The following KCNN2 variants were observed in gnomAD, a reference collection of about 807,000 sequenced individuals.
KCNN2 encodes potassium calcium-activated channel subfamily N member 2, also known as small conductance calcium-activated potassium channel protein 2.
KCNN2 carries 24 observed loss-of-function variants against 55.5 expected under a neutral mutation model. The observed-to-expected ratio is 0.43, with a 90% CI of 0.31 to 0.61. The LOEUF (loss-of-function observed/expected upper bound fraction) is 0.61. Among genes scored for constraint, KCNN2 ranks in the 20% least tolerant of loss-of-function variants. The pLI is 0.08. For synonymous variants in KCNN2, 431 were observed against 336.1 expected, an observed-to-expected ratio of 1.28 and a Z score of -3.09; for missense variants, 754 against 853.6, an observed-to-expected ratio of 0.88 and a Z score of 1.45.
chr5:114,056,072 C>T (rs945011788), exon 1 of KCNN2: 2 of 305,506 alleles, frequency 6.5e-6, no homozygotes, highest in East Asian at 1.0e-4. Flanking sequence ...AGTCCCCAGT[C>T]CCGGCGGGGC....
intron 1 of KCNN2, among the ~76,000 whole-genome samples, chr5:114,062,019 C>G (rs1486187009): frequency 6.6e-6 from 1 of 152,000 alleles, no homozygotes; most frequent in African/African-American, 2.4e-5. Context: ...GGTCATTTAT[C>G]AAATATTTAG....
chr5:114,182,547 T>A (rs962535509), intron 1 of KCNN2, among the ~76,000 whole-genome samples: 1 of 152,128 alleles, frequency 6.6e-6, no homozygotes, highest in African/African-American at 2.4e-5. Context: ...TGAATTTCTT[T>A]CAGCCATCTT....
chr5:114,371,729 C>T (rs978644379), intron 2 of KCNN2, among the ~76,000 whole-genome samples: 1 of 152,154 alleles, frequency 6.6e-6, no homozygotes. Flanking sequence ...AGTCCAATTT[C>T]TTTGAATATT....
intron 2 of KCNN2, among the ~76,000 whole-genome samples, chr5:114,312,594 C>G (rs1161559209): frequency 6.6e-6 from 1 of 151,260 alleles, no homozygotes; most frequent in Non-Finnish European, 1.5e-5. Flanking sequence ...TGTCTAAGCC[C>G]TTCTAAGTGT....
At chr5:114,368,785 A>G (rs1218933836) in intron 2 of KCNN2, among the ~76,000 whole-genome samples, 1 of 152,082 alleles carries the variant, frequency 6.6e-6, no homozygotes, top group African/African-American at 2.4e-5. Context: ...TTCAATACGG[A>G]ATATTTAGGA....
chr5:114,418,607 A>G (rs1449899469), intron 3 of KCNN2, among the ~76,000 whole-genome samples: 1 of 152,174 alleles, frequency 6.6e-6, no homozygotes, highest in Non-Finnish European at 1.5e-5. Context: ...GTGGCAAGCA[A>G]GGGAACCCCA....
intron 2 of KCNN2, among the ~76,000 whole-genome samples, chr5:114,278,825 C>T (rs564442377): frequency 9.2e-5 from 14 of 152,162 alleles, no homozygotes; most frequent in East Asian, 1.9e-4. Flanking sequence ...TTGTGCTTCC[C>T]GGGTGAGGCA....
intron 3 of KCNN2, among the ~76,000 whole-genome samples, chr5:114,426,560 G>A (rs1759632093): frequency 6.6e-6 from 1 of 152,094 alleles, no homozygotes; most frequent in African/African-American, 2.4e-5. Flanking sequence ...TGAAGAGTGA[G>A]TATAATTCTT....
chr5:114,255,359 A>C (rs2150001908), intron 2 of KCNN2, among the ~76,000 whole-genome samples: 1 of 152,346 alleles, frequency 6.6e-6, no homozygotes, highest in East Asian at 1.9e-4. Flanking sequence ...TTAGCAGAAA[A>C]AGGAGGAATT....
At chr5:114,382,532 A>G (rs544867241) in intron 2 of KCNN2, among the ~76,000 whole-genome samples, 4 of 152,324 alleles carry the variant, frequency 2.6e-5, no homozygotes, top group African/African-American at 4.8e-5. Context: ...CCATGTGATT[A>G]CATTAGGAGA....
At chr5:114,396,841 A>G (rs1758635633) in intron 2 of KCNN2, among the ~76,000 whole-genome samples, 1 of 152,110 alleles carries the variant, frequency 6.6e-6, no homozygotes, top group Non-Finnish European at 1.5e-5. Flanking sequence ...CACCACGGTC[A>G]GCCTAGGTAG....
At chr5:114,220,849 A>G (rs1055902341) in intron 1 of KCNN2, among the ~76,000 whole-genome samples, 7 of 150,970 alleles carry the variant, frequency 4.6e-5, no homozygotes, top group African/African-American at 1.7e-4. Flanking sequence ...AAAAAAAGTT[A>G]AAGTCAAGTT....
At chr5:114,122,412 T>C (rs1751845197) in intron 1 of KCNN2, among the ~76,000 whole-genome samples, 1 of 152,336 alleles carries the variant, frequency 6.6e-6, no homozygotes, top group African/African-American at 2.4e-5. Context: ...ATGCACTGAT[T>C]GGAAAAGAAA....
At chr5:114,383,071 A>G (rs1261545963) in intron 2 of KCNN2, among the ~76,000 whole-genome samples, 1 of 152,190 alleles carries the variant, frequency 6.6e-6, no homozygotes, top group African/African-American at 2.4e-5. Context: ...GAGGAGCTAA[A>G]AAAGGTGTTT....
chr5:114,360,633 T>C (rs1349929380), upstream of KCNN2, among the ~76,000 whole-genome samples: 2 of 152,230 alleles, frequency 1.3e-5, no homozygotes, highest in East Asian at 1.9e-4. Context: ...ACCTAGTGCA[T>C]TGTGTTGGTA....
chr5:114,477,314 T>A lies in KCNN2; in HGVS notation c.1890+4150T>A, dbSNP rs574764462. Reference sequence around the variant, plus strand: ...TTTGTATCTTTAGTGAACTGAACAATTTCTGTGAAAAATTATTCACTATGT... The same window carrying A: ...TTTGTATCTTTAGTGAACTGAACAAATTCTGTGAAAAATTATTCACTATGT... On this transcript the variant is annotated intron_variant, in intron 5 of 7. Transcript: ENST00000673685. Among the ~76,000 whole-genome samples, 6 of 152,314 alleles carry A rather than the reference T, an allele frequency of 3.9e-5. No individual in the cohort carries two copies. The South Asian group carries it at 1.0e-3, about 26-fold the overall frequency.
At chr5:114,159,997 GT>G (rs1752731048) in intron 1 of KCNN2, among the ~76,000 whole-genome samples, 1 of 151,998 alleles carries the variant, frequency 6.6e-6, no homozygotes, top group African/African-American at 2.4e-5. Context: ...TTGTGTCTCT[GT>G]TTCCTTCAGT....
intron 3 of KCNN2, among the ~76,000 whole-genome samples, chr5:114,439,763 G>T (rs1461586659): frequency 6.6e-6 from 1 of 152,120 alleles, no homozygotes; most frequent in Non-Finnish European, 1.5e-5. Context: ...TCCCACCACA[G>T]AAAGAAAGCA....
chr5:114,124,511 G>C (rs1249657375), intron 1 of KCNN2, among the ~76,000 whole-genome samples: 3 of 152,138 alleles, frequency 2.0e-5, no homozygotes, highest in African/African-American at 7.2e-5. Flanking sequence ...AAGGGACATT[G>C]TGTGTGCCTT....
Sources: allele counts gnomAD v4.1 joint callset (sites outside exome capture counted in the v4.1 genomes callset), GRCh38; gene constraint gnomAD v4.1.1; transcripts MANE v1.5; gene names NCBI Gene and HGNC (gene_info 2026-07-23, HGNC 2026-07-21).